The following KIF13A variants were observed in gnomAD, a reference collection of about 807,000 sequenced individuals.
The protein encoded by KIF13A is kinesin-like protein KIF13A.
A neutral mutation model predicts 212.2 loss-of-function variants in KIF13A; 79 were observed. That is an observed-to-expected ratio of 0.37 (90% CI 0.31 to 0.45). KIF13A has a LOEUF of 0.45. Among genes scored for constraint, KIF13A ranks in the 20% least tolerant of loss-of-function variants. The pLI, the probability that KIF13A is intolerant of heterozygous loss-of-function variation, is 1.00. For missense variants in KIF13A, 1,901 were observed against 2,209.0 expected, an observed-to-expected ratio of 0.86 and a Z score of 2.79; for synonymous variants, 789 against 808.6, an observed-to-expected ratio of 0.98 and a Z score of 0.41.
chr6:17,940,826 T>TTTA (rs1776898944), intron 2 of KIF13A, among the ~76,000 whole-genome samples: 2 of 149,576 alleles, frequency 1.3e-5, no homozygotes, highest in African/African-American at 5.0e-5. Context: ...TATTTTTTTT[T>TTTA]TTTTTTTTTT....
chr6:17,848,675 C>T (rs1306106776), intron 9 of KIF13A, among the ~76,000 whole-genome samples: 1 of 147,114 alleles, frequency 6.8e-6, no homozygotes, highest in Admixed American at 7.0e-5. Flanking sequence ...AAGTAATTCT[C>T]ACCCCTTGGC....
chr6:17,948,347 T>C (rs1376602392), intron 2 of KIF13A, among the ~76,000 whole-genome samples: 4 of 152,186 alleles, frequency 2.6e-5, no homozygotes, highest in African/African-American at 9.7e-5. Context: ...ACTCTGTAGA[T>C]GAACAAATTT....
chr6:17,784,515 A>C lies in KIF13A; in HGVS notation c.3489-814T>G, dbSNP rs541136862. 8.5e-5 allele frequency among the ~76,000 whole-genome samples: 13 copies of C among 152,304 alleles called. No homozygotes were observed. In the East Asian group the frequency reaches 1.2e-3, roughly 14 times the overall value. On this transcript the variant is annotated intron_variant, in intron 28 of 38. Transcript: ENST00000259711. Reference sequence around the variant, plus strand: ...AGTGAAGAGTCCCTTTAGAAATGCAAATTCTTATTTAAAAAAATAAAAAAA... The same window carrying C: ...AGTGAAGAGTCCCTTTAGAAATGCACATTCTTATTTAAAAAAATAAAAAAA...
chr6:17,815,643 G>C (rs1763861713), intron 17 of KIF13A: 1 of 433,470 alleles, frequency 2.3e-6, no homozygotes, highest in African/African-American at 2.0e-5. Flanking sequence ...GATAACTGTA[G>C]AACAAAGATT....
Position 17,850,575 on chromosome 6 carries a change from A to C in KIF13A, c.583-118T>G. On this transcript the variant is annotated intron_variant, in intron 7 of 38. Transcript: ENST00000259711. The surrounding 1 kb of genome is among the most constrained non-coding windows in gnomAD (Gnocchi z 6.2). ...TGCCTTTGTCACCACCCTTCCATAG[A>C]AACCTCCCTGCCGCTCCTCCATTGA... The C allele has an allele frequency of 1.0e-6, 1 of 993,676 alleles. No homozygotes were observed. Among genetic ancestry groups the C allele is most frequent in the South Asian group, 2.0e-5 (1 of 50,386 alleles). The allele number at this position is 993,676 out of a possible 1,614,324, so 61.6% of individuals were successfully genotyped here. A position where few individuals can be genotyped will look rare whatever the true frequency, so the allele number is the denominator to read the frequency against.
chr6:17,933,368 T>A (rs552446149), intron 2 of KIF13A, among the ~76,000 whole-genome samples: 5 of 149,912 alleles, frequency 3.3e-5, no homozygotes, highest in African/African-American at 1.2e-4. Context: ...TGCCTCAGCC[T>A]CCCAAGTAGC....
chr6:17,855,581 T>A lies in KIF13A; in HGVS notation c.350A>T (p.Glu117Val), dbSNP rs1650004805. 21 of 1,610,764 alleles carry A rather than the reference T, an allele frequency of 1.3e-5. No individual in the cohort carries two copies. Among genetic ancestry groups the A allele is most frequent in the Non-Finnish European group, 1.4e-5 (16 of 1,179,120 alleles). The stretch of plus-strand genomic sequence containing the variant: ...GAGCCTTGGAATAAGGCCCAGCTGC[T>A]CAGCATGGCCCATCATGGAAAAGGA... ...GKSFSMMGHA[E>V]QLGLIPRLCC... The change falls in exon 6 of 39, where the codon GAG becomes GTG. Residue 117 changes from glutamate to valine, a missense_variant. Around this residue, in one of 5 missense-constraint regions of KIF13A, gnomAD observed 506 missense variants for 637.4 expected, o/e 0.79. Coordinates refer to ENST00000259711, the MANE Select transcript of KIF13A (RefSeq NM_022113.6). The surrounding 1 kb of genome is among the most constrained non-coding windows in gnomAD (Gnocchi z 4.1).
At chr6:17,774,922 A>G in intron 35 of KIF13A, 93 bp downstream of exon 35, 2 of 862,826 alleles carry the variant, frequency 2.3e-6, no homozygotes, top group Non-Finnish European at 3.6e-6. Context: ...AGGATCAACC[A>G]GGTGAGGCCC....
At chr6:17,869,909 C>A (rs552947219) in intron 4 of KIF13A, among the ~76,000 whole-genome samples, 1 of 152,240 alleles carries the variant, frequency 6.6e-6, no homozygotes, top group East Asian at 1.9e-4. Context: ...ACAAATAGGT[C>A]GGTTTCAGGA....
At chr6:17,803,872 G>C (rs1762694416) in intron 20 of KIF13A, among the ~76,000 whole-genome samples, 1 of 152,180 alleles carries the variant, frequency 6.6e-6, no homozygotes, top group South Asian at 2.1e-4. Flanking sequence ...CATGACTTGG[G>C]CCAGGCACCG....
In KIF13A at chr6:17,771,127, C is replaced by A; in HGVS notation, c.4568G>T (p.Arg1523Leu). The change falls in exon 38 of 39, where the codon CGT (arginine) becomes CTT (leucine). Residue 1523 changes from arginine (R) to leucine (L), a missense_variant. Physicochemically the swap from Arg to Leu is moderately radical, Grantham distance 102. Around this residue, in one of 5 missense-constraint regions of KIF13A, gnomAD observed 687 missense variants for 759.1 expected, o/e 0.90. Coordinates refer to ENST00000259711, the MANE Select transcript of KIF13A (RefSeq NM_022113.6). The surrounding 1 kb of genome is among the most constrained non-coding windows in gnomAD (Gnocchi z 5.4). ...TCCGGAACTTACAATCTTCTTCTCA[C>A]GTTTGCTATTGTGTTCTACTGGCAT... ...SSMPVEHNSKREKKIDSEEEE... is the reference protein window; with the variant it reads ...SSMPVEHNSKLEKKIDSEEEE... The A allele has an allele frequency of 1.2e-6, 2 of 1,610,266 alleles. No homozygotes were observed. The highest frequency in any genetic ancestry group is 1.7e-6 in the Non-Finnish European group (2 of 1,177,188).
chr6:17,890,198 A>AG (rs1475758415), intron 3 of KIF13A, among the ~76,000 whole-genome samples: 2 of 151,858 alleles, frequency 1.3e-5, no homozygotes, highest in African/African-American at 4.8e-5. Flanking sequence ...CAAAAAAAAA[A>AG]AAAAAAAATC....
At position 17,951,202 on chromosome 6, in the gene KIF13A, T is replaced by C. The variant is rs1777815126; in HGVS notation, c.146+35852A>G. On this transcript the variant is annotated intron_variant, in intron 2 of 38. Transcript: ENST00000259711. This position sits in a 1 kb window ranked among gnomAD's most constrained non-coding sequence, Gnocchi z 4.9. ...CAGGGTCTGGCTCTGTCACCCAGGCTGGCGTGCAGTGGCTCAAACAGCTCA... is the reference window on the plus strand; with the variant it reads ...CAGGGTCTGGCTCTGTCACCCAGGCCGGCGTGCAGTGGCTCAAACAGCTCA... 8.8e-7 allele frequency: 1 copy of C among 1,141,918 alleles called. No homozygotes were observed. Among genetic ancestry groups the C allele is most frequent in the Non-Finnish European group, 1.1e-6 (1 of 895,530 alleles). The allele number at this position is 1,141,918 out of a possible 1,614,324, so 70.7% of individuals were successfully genotyped here.
intron 2 of KIF13A, among the ~76,000 whole-genome samples, chr6:17,954,303 C>CAA (rs71002291): frequency 0.011 from 1,142 of 107,188 alleles, 17 homozygotes; most frequent in African/African-American, 0.041. Context: ...GACTCCATCT[C>CAA]AAAAAAAAAA....
rs547768109 is a variant in KIF13A, at chr6:17,919,185, A to G, written c.147-21005T>C. Among the ~76,000 whole-genome samples, 5 of 152,358 alleles carry G rather than the reference A, an allele frequency of 3.3e-5. No individual in the cohort carries two copies. In the South Asian group the frequency reaches 1.0e-3, roughly 32 times the overall value. ...AGTGCTGTGTTTTTACAAATGCTTT[A>G]ATAGTGAAAATTGCAAACACATACG... On this transcript the variant is annotated intron_variant, in intron 2 of 38. Coordinates refer to ENST00000259711, the MANE Select transcript of KIF13A (RefSeq NM_022113.6). The surrounding 1 kb of genome is among the most constrained non-coding windows in gnomAD (Gnocchi z 4.1).
intron 2 of KIF13A, among the ~76,000 whole-genome samples, chr6:17,956,370 C>T (rs150626698): frequency 6.6e-6 from 1 of 152,316 alleles, no homozygotes; most frequent in East Asian, 1.9e-4. Flanking sequence ...TTTTCAAAGA[C>T]CATCAACCAT....
chr6:17,849,546 A>C lies in KIF13A; in HGVS notation c.718-57T>G, dbSNP rs1361332882. The C allele has an allele frequency of 3.3e-6, 4 of 1,198,776 alleles. No homozygotes were observed. Among genetic ancestry groups the C allele is most frequent in the Non-Finnish European group, 4.9e-6 (4 of 821,404 alleles). 74.3% of individuals were successfully genotyped at this position (1,198,776 alleles called of 1,614,324 possible). Reference sequence around the variant, plus strand: ...ACTTATCAATAAAAACCACATGGATATCTACATATATGTTAGCACTATAAT... The same window carrying C: ...ACTTATCAATAAAAACCACATGGATCTCTACATATATGTTAGCACTATAAT... On this transcript the variant is annotated intron_variant, in intron 8 of 38. Coordinates refer to ENST00000259711, the MANE Select transcript of KIF13A (RefSeq NM_022113.6). This position sits in a 1 kb window ranked among gnomAD's most constrained non-coding sequence, Gnocchi z 5.7.
intron 2 of KIF13A, among the ~76,000 whole-genome samples, chr6:17,970,714 G>A (rs1035825864): frequency 6.6e-6 from 1 of 152,084 alleles, no homozygotes; most frequent in Admixed American, 6.5e-5. Flanking sequence ...TCCTCTTACT[G>A]AATTCTTTCT....
In KIF13A at chr6:17,805,528, T is replaced by G; in HGVS notation, c.2251A>C (p.Lys751Gln). ...QVWTIEKLEN[K>Q]LIDMRDLYQE... ...TAAAGGTCTCTCATGTCAATTAATT[T>G]ATTCTCCAGCTTCTCAATGGTCCAC... Residue 751 changes from lysine (K) to glutamine (Q), a missense_variant, in exon 19 of 39, where the codon AAA (lysine) becomes CAA (glutamine). This residue lies in a region of KIF13A where 534 missense variants were observed against 536.9 expected (regional missense o/e 0.99). Coordinates refer to ENST00000259711, the MANE Select transcript of KIF13A (RefSeq NM_022113.6). 2 of 1,613,888 alleles carry G rather than the reference T, an allele frequency of 1.2e-6. No individual in the cohort carries two copies. The highest frequency in any genetic ancestry group is 1.7e-6 in the Non-Finnish European group (2 of 1,179,820).
Sources: gnomAD v4.1 joint callset for allele counts (sites outside exome capture counted in the v4.1 genomes callset) on GRCh38, gnomAD v4.1.1 for gene constraint, gnomAD v4.1.1 regional missense constraint, Gnocchi (gnomAD v3.1) non-coding constraint, MANE v1.5 for transcripts, NCBI Gene and HGNC (gene_info 2026-07-23, HGNC 2026-07-21) for gene names.